Variants in PHKB observed in about 807,000 individuals in gnomAD.
PHKB encodes phosphorylase kinase regulatory subunit beta, also known as phosphorylase b kinase regulatory subunit beta.
PHKB carries 122 observed loss-of-function variants against 152.1 expected under a neutral mutation model. The observed-to-expected ratio is 0.80, with a 90% CI of 0.69 to 0.93. The LOEUF (loss-of-function observed/expected upper bound fraction) is 0.93. PHKB is among the 40% of genes least tolerant of loss of function. PHKB has a pLI of 0.00. For synonymous variants in PHKB, 436 were observed against 464.9 expected (o/e 0.94, Z 0.80); for missense variants, 1,304 against 1,328.4 (o/e 0.98, Z 0.29).
intron 1 of PHKB, among the ~76,000 whole-genome samples, chr16:47,471,354 T>C (rs1196600131): frequency 6.6e-6 from 1 of 152,148 alleles, no homozygotes; most frequent in Non-Finnish European, 1.5e-5. Flanking sequence ...TGAATTTTAT[T>C]ATAAATGGAA....
At chr16:47,586,183 CAT>C (rs1266938600) in intron 8 of PHKB, among the ~76,000 whole-genome samples, 1 of 152,176 alleles carries the variant, frequency 6.6e-6, no homozygotes, top group East Asian at 1.9e-4. Context: ...GAAACTAAGT[CAT>C]GTGTTGTGGT....
chr16:47,598,964 A>C, intron 13 of PHKB: 1 of 1,348,152 alleles, frequency 7.4e-7, no homozygotes, highest in Non-Finnish European at 1.1e-6. Flanking sequence ...CACACAGCCA[A>C]TCCCACAAGG....
intron 7 of PHKB, among the ~76,000 whole-genome samples, chr16:47,550,295 A>G (rs1971249036): frequency 6.6e-6 from 1 of 152,190 alleles, no homozygotes; most frequent in Admixed American, 6.5e-5. Context: ...CCTGGGATCA[A>G]GTCACACCTC....
At chr16:47,465,089 CAGG>C (rs1265544293) in intron 1 of PHKB, among the ~76,000 whole-genome samples, 1 of 152,144 alleles carries the variant, frequency 6.6e-6, no homozygotes, top group Non-Finnish European at 1.5e-5. Flanking sequence ...AAGAATCAAA[CAGG>C]AGAAAACAAA....
Position 47,700,163 on chromosome 16 carries a change from A to G in PHKB, c.*797A>G, listed in dbSNP as rs769495028. The G allele has an allele frequency of 1.3e-5, 2 of 152,124 alleles. No homozygotes were observed. The highest frequency in any genetic ancestry group is 2.9e-5 in the Non-Finnish European group (2 of 68,078). 9.4% of individuals were successfully genotyped at this position (152,124 alleles called of 1,614,324 possible). ...TAGGAGTTCAAGACCAGCCCAGCCA[A>G]CATGGTGAAAACCCTGTCTCTACTA... On this transcript the variant is annotated 3_prime_UTR_variant, in exon 31 of 31. Transcript: ENST00000323584.
intron 4 of PHKB, among the ~76,000 whole-genome samples, chr16:47,506,278 AT>A (rs1471538208): frequency 1.3e-5 from 2 of 152,108 alleles, no homozygotes; most frequent in East Asian, 1.9e-4. Context: ...ATAAAAAAAA[AT>A]CATTAATATT....
intron 24 of PHKB, 120 bp from the exon 25 acceptor site, chr16:47,664,765 C>T (rs1973507724): frequency 1.4e-6 from 1 of 721,362 alleles, no homozygotes; most frequent in Admixed American, 2.0e-5. Context: ...ACACTTTATG[C>T]ATTTCAGATA....
intron 6 of PHKB, among the ~76,000 whole-genome samples, chr16:47,526,437 T>C (rs1970769289): frequency 6.6e-6 from 1 of 151,778 alleles, no homozygotes; most frequent in Non-Finnish European, 1.5e-5. Context: ...TCACCGTTGC[T>C]GATAAGCTCA....
intron 6 of PHKB, among the ~76,000 whole-genome samples, chr16:47,526,310 G>A (rs1298838152): frequency 1.3e-5 from 2 of 152,118 alleles, no homozygotes; most frequent in Non-Finnish European, 2.9e-5. Context: ...TCGCGAGGCT[G>A]AGGCAGGGAG....
chr16:47,529,430 A>T (rs6598578), intron 6 of PHKB: 1 of 150,508 alleles, frequency 6.6e-6, no homozygotes, highest in Admixed American at 6.6e-5. Flanking sequence ...TCACTGCAAT[A>T]TCCGCCTTCT....
At chr16:47,536,115 G>A (rs377344961) in intron 6 of PHKB, among the ~76,000 whole-genome samples, 2 of 152,086 alleles carry the variant, frequency 1.3e-5, no homozygotes, top group African/African-American at 2.4e-5. Context: ...GCAGTGGCGC[G>A]ATCTCGGCTC....
chr16:47,616,178 A>G (rs1972510825), intron 14 of PHKB, among the ~76,000 whole-genome samples: 1 of 152,020 alleles, frequency 6.6e-6, no homozygotes, highest in Non-Finnish European at 1.5e-5. Flanking sequence ...ATTTTGAAGA[A>G]GCCTCATTTA....
At chr16:47,681,000 T>C (rs1186669207) in intron 26 of PHKB, among the ~76,000 whole-genome samples, 1 of 152,240 alleles carries the variant, frequency 6.6e-6, no homozygotes, top group African/African-American at 2.4e-5. Context: ...AAAGAACATC[T>C]GTGTTTCTGC....
At chr16:47,625,839 T>C (rs1198485586) in intron 14 of PHKB, among the ~76,000 whole-genome samples, 8 of 152,200 alleles carry the variant, frequency 5.3e-5, no homozygotes, top group Admixed American at 5.2e-4. Context: ...AGTTTTTATC[T>C]TCGAGAACAG....
chr16:47,671,627 A>G (rs949772936), intron 26 of PHKB, among the ~76,000 whole-genome samples: 16 of 152,312 alleles, frequency 1.1e-4, no homozygotes, highest in Middle Eastern at 3.4e-3. Flanking sequence ...TCAAAATCAC[A>G]TGTGAAAAAT....
chr16:47,600,936 G>A (rs909784473), intron 13 of PHKB, among the ~76,000 whole-genome samples: 10 of 152,198 alleles, frequency 6.6e-5, no homozygotes, highest in Non-Finnish European at 8.8e-5. Context: ...TTGAGCCCAG[G>A]AGTTCGCGAC....
rs566479402 is a variant in PHKB at position 47,663,677 on chromosome 16, G to A, written c.2279G>A (p.Gly760Asp). 2 of 1,612,282 alleles carry A rather than the reference G, an allele frequency of 1.2e-6. No homozygotes were observed. The highest frequency in any genetic ancestry group is 1.7e-5 in the Admixed American group (1 of 59,974). The change falls in exon 24 of 31, where the codon GGT becomes GAT. Residue 760 changes from glycine (G) to aspartate (D), a missense_variant and splice_region_variant. By Grantham distance (94) the Gly-to-Asp change is moderately conservative. Transcript: ENST00000323584. ...AAAGACTCTATTATCCAATGTCTAG[G>A]TACCGTTTCTGATCACATTGAGAGA... Reference protein sequence around the residue: ...REGPNFITKEGTVSDHIERVY... With the variant: ...REGPNFITKEDTVSDHIERVY...
chr16:47,669,780 G>A (rs1973607201), intron 26 of PHKB, among the ~76,000 whole-genome samples: 1 of 152,200 alleles, frequency 6.6e-6, no homozygotes, highest in Admixed American at 6.5e-5. Context: ...CAGTAAAACT[G>A]TCAGGAGGAC....
chr16:47,589,071 A>C lies in PHKB; in HGVS notation c.1037A>C (p.Asn346Thr). The C allele has an allele frequency of 1.2e-6, 2 of 1,613,072 alleles. No homozygotes were observed. Among genetic ancestry groups the C allele is most frequent in the Non-Finnish European group, 8.5e-7 (1 of 1,179,100 alleles). The change falls in exon 10 of 31, where the codon AAC (asparagine) becomes ACC (threonine). Residue 346 changes from asparagine (N) to threonine (T), a missense_variant. By Grantham distance (65) the Asn-to-Thr change is moderately conservative. Coordinates refer to ENST00000323584, the MANE Select transcript of PHKB (RefSeq NM_000293.3). ...DGYRTSLEDP[N>T]RCYYKPAEIK... ...TATAGAACATCATTGGAAGATCCCA[A>C]CAGATGCTACTACAAGCCAGCTGAA...
Sources: gnomAD v4.1 joint callset for allele counts (sites outside exome capture counted in the v4.1 genomes callset) on GRCh38, gnomAD v4.1.1 for gene constraint, MANE v1.5 for transcripts, NCBI Gene and HGNC (gene_info 2026-07-23, HGNC 2026-07-21) for gene names.